Variants in ZNF236 observed in about 807,000 individuals in gnomAD.
The protein encoded by ZNF236 is zinc finger protein 236.
In ZNF236, 50 loss-of-function variants were observed where a neutral mutation model predicts 191.2. That is an observed-to-expected ratio of 0.26 (90% CI 0.21 to 0.33). ZNF236 has a LOEUF of 0.33. Ranked by LOEUF, ZNF236 falls within the 10% of genes least tolerant of loss-of-function variation. ZNF236 has a pLI of 1.00. For synonymous variants in ZNF236, 907 were observed against 928.8 expected, an observed-to-expected ratio of 0.98 and a Z score of 0.43; for missense variants, 1,754 against 2,374.5, an observed-to-expected ratio of 0.74 and a Z score of 5.43.
chr18:76,903,868 T>C (rs1977668674), intron 11 of ZNF236, among the ~76,000 whole-genome samples: 2 of 150,642 alleles, frequency 1.3e-5, no homozygotes, highest in African/African-American at 4.9e-5. Context: ...AATGCTAACC[T>C]TTTTAGAACA....
chr18:76,957,232 A>C (rs192222820), intron 28 of ZNF236, among the ~76,000 whole-genome samples: 2 of 152,316 alleles, frequency 1.3e-5, no homozygotes, highest in East Asian at 3.9e-4. Flanking sequence ...AGTCCTACTC[A>C]AGGAGGAATT....
In ZNF236 at chr18:76,968,605, G is replaced by C; in HGVS notation, c.*266G>C. 3 of 1,219,494 alleles carry C rather than the reference G, an allele frequency of 2.5e-6. No homozygotes were observed. Among genetic ancestry groups the C allele is most frequent in the Non-Finnish European group, 2.0e-6 (2 of 979,112 alleles). 75.5% of individuals were successfully genotyped at this position (1,219,494 alleles called of 1,614,324 possible). On this transcript the variant is annotated 3_prime_UTR_variant, in exon 31 of 31. Coordinates refer to ENST00000320610, the MANE Select transcript of ZNF236 (RefSeq NM_001306089.2). ...AGTTTCCTCCTCAGTCTCCTCCGTG[G>C]CTAGTGTGTCTAGTTCACGAAGCAA...
chr18:76,873,953 G>A (rs955095083), intron 5 of ZNF236, among the ~76,000 whole-genome samples: 5 of 147,190 alleles, frequency 3.4e-5, no homozygotes, highest in East Asian at 2.0e-4. Context: ...CCTCCTGCCC[G>A]CCTGTCCTCC....
intron 9 of ZNF236, among the ~76,000 whole-genome samples, chr18:76,882,562 C>T (rs758184168): frequency 2.0e-5 from 3 of 152,188 alleles, no homozygotes; most frequent in Non-Finnish European, 4.4e-5. Flanking sequence ...GAAAACCTTT[C>T]CCAGTTGTCT....
chr18:76,887,758 G>C (rs541511484), intron 9 of ZNF236, among the ~76,000 whole-genome samples: 1 of 152,162 alleles, frequency 6.6e-6, no homozygotes, highest in East Asian at 1.9e-4. Flanking sequence ...ATTAGGCCCC[G>C]TGAGACTTAT....
intron 5 of ZNF236, among the ~76,000 whole-genome samples, chr18:76,872,475 TAATAAAATTAAAAACA>T: frequency 1.3e-5 from 2 of 152,288 alleles, no homozygotes; most frequent in South Asian, 4.1e-4. Context: ...CTCTTAAAAA[TAATAAAATTAAAAACA>T]AATAAAATAA....
At chr18:76,934,376 C>G (rs1346568227) in intron 25 of ZNF236, among the ~76,000 whole-genome samples, 1 of 152,226 alleles carries the variant, frequency 6.6e-6, no homozygotes, top group Non-Finnish European at 1.5e-5. Context: ...AATGTAAGTA[C>G]TGTCTCAGAA....
intron 25 of ZNF236, among the ~76,000 whole-genome samples, chr18:76,929,199 T>C (rs1451632936): frequency 2.0e-5 from 3 of 152,042 alleles, no homozygotes; most frequent in Admixed American, 2.0e-4. Flanking sequence ...TCTTTATTTC[T>C]TTTAATACAT....
chr18:76,944,737 G>T (rs571118047), intron 26 of ZNF236, among the ~76,000 whole-genome samples: 1 of 152,168 alleles, frequency 6.6e-6, no homozygotes, highest in Admixed American at 6.5e-5. Flanking sequence ...AGCTGAGATT[G>T]TGCCATTGCA....
chr18:76,956,305 A>G (rs1968523329), intron 28 of ZNF236, 123 bp downstream of exon 28: 4 of 1,121,154 alleles, frequency 3.6e-6, no homozygotes, highest in Non-Finnish European at 3.9e-6. Context: ...GTTTTTGAGG[A>G]AAAGGTCACT....
intron 3 of ZNF236, among the ~76,000 whole-genome samples, chr18:76,861,024 C>T (rs1212554809): frequency 2.0e-5 from 3 of 152,002 alleles, no homozygotes; most frequent in Non-Finnish European, 4.4e-5. Flanking sequence ...AGGAAGGGTT[C>T]TGGAAGTTGG....
chr18:76,851,956 T>C lies in ZNF236; in HGVS notation c.363+17T>C. 5 of 1,595,998 alleles carry C rather than the reference T, an allele frequency of 3.1e-6. No individual in the cohort carries two copies. The highest frequency in any genetic ancestry group is 4.3e-6 in the Non-Finnish European group (5 of 1,170,456). ...AAGGAAGAGGTAATCATCATCATTT[T>C]GCATATACTTTGTTAACTGATTGTT... On this transcript the variant is annotated intron_variant, in intron 3 of 30. Transcript: ENST00000320610.
At chr18:76,932,726 T>C (rs1439776918) in intron 25 of ZNF236, among the ~76,000 whole-genome samples, 1 of 152,178 alleles carries the variant, frequency 6.6e-6, no homozygotes, top group South Asian at 2.1e-4. Flanking sequence ...CCCTGGCACA[T>C]TGATGGAGAG....
chr18:76,854,283 A>G (rs1320275138), intron 3 of ZNF236, among the ~76,000 whole-genome samples: 1 of 152,154 alleles, frequency 6.6e-6, no homozygotes, highest in Non-Finnish European at 1.5e-5. Context: ...TTTTCTATAC[A>G]TGCTTTTCTT....
intron 7 of ZNF236, among the ~76,000 whole-genome samples, chr18:76,878,619 G>GCA (rs34297502): frequency 0.25 from 36,899 of 149,908 alleles, 5,422 homozygotes; most frequent in East Asian, 0.33. Flanking sequence ...ACACAGGTGC[G>GCA]CACACACACA....
intron 28 of ZNF236, among the ~76,000 whole-genome samples, chr18:76,958,098 T>G (rs1339632434): frequency 6.6e-6 from 1 of 152,194 alleles, no homozygotes; most frequent in Non-Finnish European, 1.5e-5. Context: ...CCCACCAACT[T>G]CAGGGCACAA....
chr18:76,854,776 T>C (rs142550274), intron 3 of ZNF236, among the ~76,000 whole-genome samples: 249 of 152,294 alleles, frequency 1.6e-3, no homozygotes, highest in African/African-American at 5.8e-3. Flanking sequence ...AATTAACAAA[T>C]AAGACTTTTT....
At chr18:76,952,949 AC>A (rs768978871) in intron 27 of ZNF236, among the ~76,000 whole-genome samples, 23 of 152,112 alleles carry the variant, frequency 1.5e-4, no homozygotes, top group Non-Finnish European at 2.8e-4. Flanking sequence ...TCAGGTAAGG[AC>A]CCTGCTGGTG....
intron 1 of ZNF236, among the ~76,000 whole-genome samples, chr18:76,846,771 A>C (rs1272070367): frequency 6.6e-6 from 1 of 151,926 alleles, no homozygotes; most frequent in Non-Finnish European, 1.5e-5. Context: ...GAAAATTCTT[A>C]ATTCATAAGT....
Sources: gnomAD v4.1 joint callset for allele counts (sites outside exome capture counted in the v4.1 genomes callset) on GRCh38, gnomAD v4.1.1 for gene constraint, MANE v1.5 for transcripts, NCBI Gene and HGNC (gene_info 2026-07-23, HGNC 2026-07-21) for gene names.